AMHR2: variants seen among roughly 807,000 people sequenced by gnomAD.
AMHR2 encodes the protein anti-Muellerian hormone type-2 receptor.
A neutral mutation model predicts 61.4 loss-of-function variants in AMHR2; 36 were observed. The observed-to-expected ratio is 0.59, with a 90% CI of 0.45 to 0.77. The LOEUF (loss-of-function observed/expected upper bound fraction) is 0.77, where lower values mean the gene tolerates loss of function less well. AMHR2 is among the 30% of genes least tolerant of loss of function. AMHR2 has a pLI of 0.00. For synonymous variants in AMHR2, 258 were observed against 279.4 expected, an observed-to-expected ratio of 0.92 and a Z score of 0.76; for missense variants, 638 against 714.6, an observed-to-expected ratio of 0.89 and a Z score of 1.22.
Position 53,431,388 on chromosome 12 carries a change from C to T in AMHR2, c.1637C>T (p.Pro546Leu). 1 of 1,614,238 alleles carries T rather than the reference C, an allele frequency of 6.2e-7. No homozygotes were observed. The highest frequency in any genetic ancestry group is 8.5e-7 in the Non-Finnish European group (1 of 1,180,050). ...IPAPTILPCR[P>L]QRSACHFSVQ... is the part of the protein sequence containing the mutation. ...GCCCCTACCATCCTCCCCTGTAGGC[C>T]TCAGCGGAGTGCCTGCCACTTCAGC... Residue 546 changes from proline to leucine, a missense_variant, in exon 11 of 11, where the codon CCT (proline) becomes CTT (leucine). Pro to Leu is a moderately conservative substitution (Grantham distance 98). Coordinates refer to ENST00000257863, the MANE Select transcript of AMHR2 (RefSeq NM_020547.3).
rs771456549 is a variant in AMHR2, at chr12:53,424,713, C to T, written c.237C>T (p.Cys79=). ...CCCCTAATCCCATCCCATCAGGATG[C>T]CGAGACAGTGATGAGCCAGGCTGTG... ...QDRAQVEMQG[C]RDSDEPGCES... The change falls in exon 3 of 11, where the codon TGC becomes TGT. Residue 79 remains cysteine, a synonymous_variant. Coordinates refer to ENST00000257863, the MANE Select transcript of AMHR2 (RefSeq NM_020547.3). 5.6e-6 allele frequency: 9 copies of T among 1,613,632 alleles called. No homozygotes were observed. Among genetic ancestry groups the T allele is most frequent in the Non-Finnish European group, 7.6e-6 (9 of 1,179,740 alleles).
chr12:53,429,782 G>A, intron 8 of AMHR2, 49 bp from the exon 9 acceptor site: 1 of 1,613,392 alleles, frequency 6.2e-7, no homozygotes, highest in Non-Finnish European at 8.5e-7. Flanking sequence ...TTGCTGCAAT[G>A]AGGATTGCCA....
chr12:53,431,414 G>A lies in AMHR2; in HGVS notation c.1663G>A (p.Val555Ile), dbSNP rs755889478. 12 of 1,614,106 alleles carry A rather than the reference G, an allele frequency of 7.4e-6. No individual in the cohort carries two copies. Among genetic ancestry groups the A allele is most frequent in the African/African-American group, 2.7e-5 (2 of 74,930 alleles). ...RPQRSACHFS[V>I]QQGPCSRNPQ... Reference sequence around the variant, plus strand: ...TCAGCGGAGTGCCTGCCACTTCAGCGTTCAGCAAGGCCCTTGTTCCAGGAA... The same window carrying A: ...TCAGCGGAGTGCCTGCCACTTCAGCATTCAGCAAGGCCCTTGTTCCAGGAA... The change falls in exon 11 of 11, where the codon GTT (valine) becomes ATT (isoleucine). Residue 555 changes from valine to isoleucine, a missense_variant. Coordinates refer to ENST00000257863, the MANE Select transcript of AMHR2 (RefSeq NM_020547.3).
Position 53,424,823 on chromosome 12 carries a change from G to C in AMHR2, c.347G>C (p.Cys116Ser). 6.2e-7 allele frequency: 1 copy of C among 1,613,920 alleles called. No individual in the cohort carries two copies. The highest frequency in any genetic ancestry group is 8.5e-7 in the Non-Finnish European group (1 of 1,179,982). ...LFTCSCGTDF[C>S]NANYSHLPPP... is the part of the protein sequence containing the mutation. The stretch of plus-strand genomic sequence containing the variant: ...ACCTGCTCCTGTGGCACTGACTTCT[G>C]CAATGCCAATTACAGCCATCTGCCT... The change falls in exon 3 of 11, where the codon TGC (cysteine) becomes TCC (serine). Residue 116 changes from cysteine (C) to serine (S), a missense_variant. Coordinates refer to ENST00000257863, the MANE Select transcript of AMHR2 (RefSeq NM_020547.3).
At chr12:53,430,309 G>A (rs1354569616) in intron 10 of AMHR2, 27 bp downstream of exon 10, 2 of 1,614,122 alleles carry the variant, frequency 1.2e-6, no homozygotes, top group Non-Finnish European at 8.5e-7. Context: ...GTTGGTCTGG[G>A]AACCTGGAGA....
chr12:53,431,394 G>A lies in AMHR2; in HGVS notation c.1643G>A (p.Arg548Gln), dbSNP rs144262887. 2.0e-4 allele frequency: 319 copies of A among 1,614,220 alleles called. No individual in the cohort carries two copies. Among genetic ancestry groups the A allele is most frequent in the Non-Finnish European group, 2.4e-4 (282 of 1,180,044 alleles). The change falls in exon 11 of 11, where the codon CGG becomes CAG. Residue 548 changes from arginine to glutamine, a missense_variant. By Grantham distance (43) the Arg-to-Gln change is conservative (BLOSUM62 1). Coordinates refer to ENST00000257863, the MANE Select transcript of AMHR2 (RefSeq NM_020547.3). ...ACCATCCTCCCCTGTAGGCCTCAGC[G>A]GAGTGCCTGCCACTTCAGCGTTCAG... is the stretch of plus-strand genomic sequence containing the variant. ...APTILPCRPQ[R>Q]SACHFSVQQG...
rs769863820 is a variant in AMHR2 at position 53,431,600 on chromosome 12, C to T, written c.*127C>T. 9.3e-5 allele frequency: 115 copies of T among 1,232,202 alleles called. No individual in the cohort carries two copies. Among genetic ancestry groups the T allele is most frequent in the Non-Finnish European group, 1.3e-4 (110 of 857,198 alleles). The allele number at this position is 1,232,202 out of a possible 1,614,324, so 76.3% of individuals were successfully genotyped here. A position where few individuals can be genotyped will look rare whatever the true frequency, so the allele number is the denominator to read the frequency against. ...TTGGATTCTTCTGCGGGCATCCAGT[C>T]CACATCAGTTCTGACCAGTGACTTG... On this transcript the variant is annotated 3_prime_UTR_variant, in exon 11 of 11. Transcript: ENST00000257863.
intron 4 of AMHR2, 52 bp downstream of exon 4, chr12:53,425,294 G>T (rs886743718): frequency 1.2e-6 from 2 of 1,609,990 alleles, no homozygotes; most frequent in Admixed American, 1.7e-5. Context: ...TGCCCCAAAA[G>T]CTCTGACCCC....
At position 53,423,903 on chromosome 12, in the gene AMHR2, T is replaced by G; in HGVS notation, c.-32T>G. 1 of 1,613,650 alleles carries G rather than the reference T, an allele frequency of 6.2e-7. No individual in the cohort carries two copies. Among genetic ancestry groups the G allele is most frequent in the South Asian group, 1.1e-5 (1 of 91,054 alleles). Reference sequence around the variant, plus strand: ...GGGGCAGCTGTGCTGGCTTATGCTCTTCTCCTTCTGCTGCTGCCATCCTCC... The same window carrying G: ...GGGGCAGCTGTGCTGGCTTATGCTCGTCTCCTTCTGCTGCTGCCATCCTCC... On this transcript the variant is annotated 5_prime_UTR_variant, in exon 1 of 11. Coordinates refer to ENST00000257863, the MANE Select transcript of AMHR2 (RefSeq NM_020547.3).
chr12:53,425,448 G>A lies in AMHR2; in HGVS notation c.503-7G>A, dbSNP rs1351149828. 1 of 1,613,694 alleles carries A rather than the reference G, an allele frequency of 6.2e-7. No homozygotes were observed. Among genetic ancestry groups the A allele is most frequent in the South Asian group, 1.1e-5 (1 of 91,084 alleles). On this transcript the variant is annotated splice_region_variant and splice_polypyrimidine_tract_variant and intron_variant, in intron 4 of 10. Coordinates refer to ENST00000257863, the MANE Select transcript of AMHR2 (RefSeq NM_020547.3). ...CACCCTGACCCTAAGGCTCTTGTCT[G>A]TTCCAGCCCTGCTACAGCGAAAGAA... is the stretch of plus-strand genomic sequence containing the variant.
Position 53,425,677 on chromosome 12 carries a change from T to C in AMHR2, c.622-12T>C, listed in dbSNP as rs762321378. 5.0e-6 allele frequency: 8 copies of C among 1,613,828 alleles called. No individual in the cohort carries two copies. The highest frequency in any genetic ancestry group is 6.8e-6 in the Non-Finnish European group (8 of 1,179,914). On this transcript the variant is annotated splice_polypyrimidine_tract_variant and intron_variant, in intron 5 of 10. Transcript: ENST00000257863. ...GCTCAGAGGCCCACACTCAGCACAG[T>C]GTCCCCAGCAGGTAATCCGGGAAGG...
chr12:53,428,870 AT>A lies in AMHR2; in HGVS notation c.853-25del, dbSNP rs1425075969. 6 of 1,519,138 alleles carry A rather than the reference AT, an allele frequency of 3.9e-6. No individual in the cohort carries two copies. The African/African-American group carries it at 8.3e-5, about 21-fold the overall frequency. The allele number at this position is 1,519,138 out of a possible 1,614,324, so 94.1% of individuals were successfully genotyped here. A position where few individuals can be genotyped will look rare whatever the true frequency, so the allele number is the denominator to read the frequency against. On this transcript the variant is annotated intron_variant, in intron 6 of 10. Transcript: ENST00000257863. ...TCAGCCGTCTCCAGCTTTGTGTACC[AT>A]CCTTTTCTCTCTGCGTTTCCCCAGG...
intron 10 of AMHR2, chr12:53,430,954 C>A: frequency 1.6e-6 from 1 of 608,314 alleles, no homozygotes. Context: ...ATTAGCTCCT[C>A]AGAGGAAACA....
Position 53,431,311 on chromosome 12 carries a change from C to T in AMHR2, c.1560C>T (p.Ser520=), listed in dbSNP as rs927449214. The change falls in exon 11 of 11, where the codon AGC becomes AGT. Residue 520 remains serine (S), a synonymous_variant. Transcript: ENST00000257863. ...HPQESHPFPE[S]CPRGCPPLCP... ...AAGAGAGCCACCCCTTTCCAGAGAG[C>T]TGTCCACGTGGCTGCCCACCTCTCT... 2.8e-5 allele frequency: 45 copies of T among 1,614,230 alleles called. No homozygotes were observed. The highest frequency in any genetic ancestry group is 3.7e-5 in the Non-Finnish European group (44 of 1,180,042).
chr12:53,429,906 C>G lies in AMHR2; in HGVS notation c.1216C>G (p.Arg406Gly), dbSNP rs769617823. The change falls in exon 9 of 11, where the codon CGA becomes GGA. Residue 406 changes from arginine (R) to glycine (G), a missense_variant. Transcript: ENST00000257863. ...LDLQDWGMALRRADIYSLALL... is the reference protein window; with the variant it reads ...LDLQDWGMALGRADIYSLALL... ...CCTACAGGATTGGGGCATGGCCCTC[C>G]GACGAGCTGATATTTACTCTTTGGC... 1.9e-6 allele frequency: 3 copies of G among 1,614,022 alleles called. No individual in the cohort carries two copies. The highest frequency in any genetic ancestry group is 1.3e-5 in the African/African-American group (1 of 74,896).
At position 53,429,746 on chromosome 12, in the gene AMHR2, T is replaced by C. The variant is rs1004200540; in HGVS notation, c.1141-85T>C. 6.2e-6 allele frequency: 10 copies of C among 1,605,190 alleles called. No homozygotes were observed. The Admixed American group carries it at 1.5e-4, about 25-fold the overall frequency. The stretch of plus-strand genomic sequence containing the variant: ...AGCATTTGGGACATTGCTGAGTCTG[T>C]AGTTGGGGGGATATTGCATGGACCA... On this transcript the variant is annotated intron_variant, in intron 8 of 10. Coordinates refer to ENST00000257863, the MANE Select transcript of AMHR2 (RefSeq NM_020547.3).
intron 2 of AMHR2, 76 bp from the exon 3 acceptor site, chr12:53,424,633 C>G: frequency 6.5e-7 from 1 of 1,542,000 alleles, no homozygotes; most frequent in Non-Finnish European, 8.9e-7. Flanking sequence ...GGGATTTACC[C>G]TCTGTTTCCA....
intron 3 of AMHR2, 111 bp downstream of exon 3, chr12:53,425,011 T>C (rs1002142299): frequency 6.3e-5 from 98 of 1,560,064 alleles, no homozygotes; most frequent in Non-Finnish European, 8.5e-5. Context: ...TTCCTCCTCC[T>C]GGCCTTGGGA....
intron 6 of AMHR2, among the ~76,000 whole-genome samples, chr12:53,428,598 TA>T (rs1322506696): frequency 2.0e-5 from 3 of 152,156 alleles, no homozygotes; most frequent in African/African-American, 7.2e-5. Flanking sequence ...CTTCATCTGT[TA>T]AATGGGGGTG....
Sources: allele counts gnomAD v4.1 joint callset (sites outside exome capture counted in the v4.1 genomes callset), GRCh38; gene constraint gnomAD v4.1.1; transcripts MANE v1.5; gene names NCBI Gene and HGNC (gene_info 2026-07-23, HGNC 2026-07-21).